IQCM: variants seen among roughly 807,000 people sequenced by gnomAD.
The protein encoded by IQCM is IQ domain-containing protein M.
In IQCM, 45 loss-of-function variants were observed where a neutral mutation model predicts 57.6. The observed-to-expected ratio is 0.78, with a 90% CI of 0.62 to 1.00. The LOEUF (loss-of-function observed/expected upper bound fraction) is 1.00. Ranked by LOEUF, IQCM falls within the 50% of genes least tolerant of loss-of-function variation. IQCM has a pLI of 0.00. For missense variants in IQCM, 468 were observed against 511.6 expected (o/e 0.91, Z 0.82); for synonymous variants, 148 against 158.9 (o/e 0.93, Z 0.51).
intron 13 of IQCM, among the ~76,000 whole-genome samples, chr4:149,357,456 A>C (rs11935163): frequency 6.6e-6 from 1 of 151,266 alleles, no homozygotes; most frequent in Non-Finnish European, 1.5e-5. Flanking sequence ...TAGCATGAAG[A>C]GTTGTTAAAT....
intron 13 of IQCM, among the ~76,000 whole-genome samples, chr4:149,368,906 GTA>G (rs1247827332): frequency 1.7e-5 from 1 of 57,892 alleles, no homozygotes; most frequent in Non-Finnish European, 3.6e-5. Flanking sequence ...ATATACACGT[GTA>G]TATATATGTG....
At position 149,569,878 on chromosome 4, in the gene IQCM, A is replaced by C. The variant is rs1203420982; in HGVS notation, c.750-5988T>G. Among the ~76,000 whole-genome samples, 19 of 152,120 alleles carry C rather than the reference A, an allele frequency of 1.2e-4. 1 individual carries two copies. The highest frequency in any genetic ancestry group is 1.2e-3 in the Admixed American group (19 of 15,254). ...TATCTAGAACTGAATACACTGATTGAATTATGTTTCATATTTATTTTCTAA... is the reference window on the plus strand; with the variant it reads ...TATCTAGAACTGAATACACTGATTGCATTATGTTTCATATTTATTTTCTAA... On this transcript the variant is annotated intron_variant, in intron 9 of 13. Coordinates refer to ENST00000636793, the MANE Select transcript of IQCM (RefSeq NM_001363507.2).
At chr4:149,498,213 C>T (rs115988318) in intron 12 of IQCM, among the ~76,000 whole-genome samples, 1,664 of 152,186 alleles carry the variant, frequency 0.011, 16 homozygotes, top group Non-Finnish European at 0.017. Flanking sequence ...GAGAAGTATG[C>T]TCCTCCCACA....
chr4:149,602,662 A>C (rs1409600340), intron 8 of IQCM, among the ~76,000 whole-genome samples: 1 of 152,028 alleles, frequency 6.6e-6, no homozygotes, highest in Admixed American at 6.6e-5. Flanking sequence ...GATTTTTATA[A>C]GGTATCATAA....
At chr4:149,637,728 T>C (rs1256271877) in intron 7 of IQCM, among the ~76,000 whole-genome samples, 2 of 152,158 alleles carry the variant, frequency 1.3e-5, no homozygotes, top group East Asian at 3.9e-4. Flanking sequence ...GACCTGCATA[T>C]ATAATATCAA....
chr4:149,403,861 C>T (rs1472569716), intron 13 of IQCM, among the ~76,000 whole-genome samples: 2 of 151,966 alleles, frequency 1.3e-5, no homozygotes, highest in Non-Finnish European at 2.9e-5. Context: ...AGCAATTAAA[C>T]ATTTTCAATT....
chr4:149,632,564 T>C (rs1054229656), intron 7 of IQCM, among the ~76,000 whole-genome samples: 2 of 152,104 alleles, frequency 1.3e-5, no homozygotes, highest in Admixed American at 6.5e-5. Context: ...TGAAAGTTAA[T>C]GTAATACATT....
chr4:149,449,699 A>G (rs1255415982), intron 12 of IQCM, among the ~76,000 whole-genome samples: 1 of 151,698 alleles, frequency 6.6e-6, no homozygotes, highest in African/African-American at 2.4e-5. Flanking sequence ...ATGATGAAAG[A>G]AATTGAAGAG....
chr4:149,563,999 A>C, intron 9 of IQCM, 109 bp from the exon 10 acceptor site: 1 of 517,370 alleles, frequency 1.9e-6, no homozygotes, highest in Non-Finnish European at 3.0e-6. Context: ...AATATATTAT[A>C]ACTTGTACAT....
chr4:149,476,424 G>T (rs915340437), intron 12 of IQCM, among the ~76,000 whole-genome samples: 2 of 152,170 alleles, frequency 1.3e-5, no homozygotes, highest in African/African-American at 4.8e-5. Flanking sequence ...ATATAGGTAA[G>T]ATGACTTAAT....
At chr4:149,603,356 T>C (rs1754485809) in intron 8 of IQCM, among the ~76,000 whole-genome samples, 1 of 152,200 alleles carries the variant, frequency 6.6e-6, no homozygotes, top group East Asian at 1.9e-4. Flanking sequence ...GGAATCAGAT[T>C]AGGAATCAAT....
At chr4:149,384,491 T>G (rs1248713241) in intron 13 of IQCM, among the ~76,000 whole-genome samples, 1 of 152,178 alleles carries the variant, frequency 6.6e-6, no homozygotes, top group Non-Finnish European at 1.5e-5. Context: ...TAAGAATATT[T>G]ACTAAACAAC....
intron 13 of IQCM, among the ~76,000 whole-genome samples, chr4:149,414,389 CT>C (rs1194961723): frequency 6.6e-6 from 1 of 152,072 alleles, no homozygotes; most frequent in Non-Finnish European, 1.5e-5. Context: ...GACAGTTTTT[CT>C]ATTATATAAG....
intron 10 of IQCM, among the ~76,000 whole-genome samples, chr4:149,558,314 C>A (rs11099736): frequency 0.76 from 115,171 of 152,052 alleles, 44,092 homozygotes; most frequent in South Asian, 0.9. Context: ...CAGGGACCTG[C>A]ATCAGCATAT....
chr4:149,578,987 A>C (rs1751919510), intron 9 of IQCM, among the ~76,000 whole-genome samples: 1 of 151,784 alleles, frequency 6.6e-6, no homozygotes, highest in African/African-American at 2.4e-5. Flanking sequence ...TCCATGAAAA[A>C]GCAATTGCAT....
intron 12 of IQCM, among the ~76,000 whole-genome samples, chr4:149,471,579 A>C (rs1378007511): frequency 6.6e-6 from 1 of 152,218 alleles, no homozygotes; most frequent in Admixed American, 6.5e-5. Flanking sequence ...AAGTATTCCA[A>C]TCAATAGAAA....
At chr4:149,659,996 T>A (rs950491890) in intron 7 of IQCM, among the ~76,000 whole-genome samples, 3 of 150,878 alleles carry the variant, frequency 2.0e-5, no homozygotes, top group African/African-American at 4.9e-5. Context: ...CTAATTAAAC[T>A]AAAGAGCTTC....
At position 149,654,147 on chromosome 4, in the gene IQCM, C is replaced by T. The variant is rs139044968; in HGVS notation, c.565+27971G>A. ...ATAATTTAGTAACAAAGGCCATCAG[C>T]TAGTAAGTGGATATGTAGCTCTATC... On this transcript the variant is annotated intron_variant, in intron 7 of 13. Coordinates refer to ENST00000636793, the MANE Select transcript of IQCM (RefSeq NM_001363507.2). Among the ~76,000 whole-genome samples the T allele has an allele frequency of 5.1e-3, 774 of 152,268 alleles. 8 individuals carry two copies. Among genetic ancestry groups the T allele is most frequent in the South Asian group, 0.032 (155 of 4,820 alleles).
At chr4:149,727,077 C>T (rs541915179) in intron 5 of IQCM, among the ~76,000 whole-genome samples, 46 of 152,142 alleles carry the variant, frequency 3.0e-4, no homozygotes, top group Non-Finnish European at 4.7e-4. Flanking sequence ...ATTAATTTTA[C>T]CTGTTTCTTT....
Sources: allele counts gnomAD v4.1 joint callset (sites outside exome capture counted in the v4.1 genomes callset), GRCh38; gene constraint gnomAD v4.1.1; transcripts MANE v1.5; gene names NCBI Gene and HGNC (gene_info 2026-07-23, HGNC 2026-07-21).